The following CDH18 variants were observed in gnomAD, a reference collection of about 807,000 sequenced individuals.
CDH18 encodes cadherin-18.
In CDH18, 31 loss-of-function variants were observed where a neutral mutation model predicts 67.9. The ratio of observed to expected loss-of-function variants is 0.46; its 90% confidence interval spans 0.34 to 0.62. CDH18 has a LOEUF of 0.62. Among genes scored for constraint, CDH18 ranks in the 20% least tolerant of loss-of-function variants. The pLI is 0.01. For missense variants in CDH18, 890 were observed against 975.5 expected (o/e 0.91, Z 1.17); for synonymous variants, 362 against 347.2 (o/e 1.04, Z -0.48).
intron 2 of CDH18, among the ~76,000 whole-genome samples, chr5:19,890,811 A>G (rs1383622884): frequency 1.3e-5 from 2 of 151,870 alleles, no homozygotes; most frequent in African/African-American, 4.8e-5. Context: ...GCCAGGCTGA[A>G]CATCAATGTA....
intron 2 of CDH18, among the ~76,000 whole-genome samples, chr5:20,218,235 G>A (rs1446524715): frequency 6.6e-6 from 1 of 151,736 alleles, no homozygotes; most frequent in African/African-American, 2.4e-5. Context: ...CTAGGCACAT[G>A]GATGACACTC....
chr5:20,219,163 T>C (rs2126437090), intron 2 of CDH18, among the ~76,000 whole-genome samples: 3 of 151,904 alleles, frequency 2.0e-5, no homozygotes, highest in Admixed American at 2.0e-4. Flanking sequence ...AATGAGACAT[T>C]ACAACCAATA....
At chr5:19,835,925 T>G (rs952054945) in intron 3 of CDH18, among the ~76,000 whole-genome samples, 4 of 152,112 alleles carry the variant, frequency 2.6e-5, no homozygotes, top group African/African-American at 7.2e-5. Flanking sequence ...CTCCATCGCC[T>G]CCTGATATGT....
chr5:19,490,013 T>C (rs1328941488), intron 11 of CDH18, among the ~76,000 whole-genome samples: 3 of 152,008 alleles, frequency 2.0e-5, no homozygotes, highest in Non-Finnish European at 2.9e-5. Flanking sequence ...GAGTCTGAAC[T>C]CCAAGAGAAA....
intron 2 of CDH18, among the ~76,000 whole-genome samples, chr5:19,912,378 T>A (rs1791249558): frequency 6.6e-6 from 1 of 152,080 alleles, no homozygotes; most frequent in African/African-American, 2.4e-5. Flanking sequence ...TCCATGGATT[T>A]AGTGACACAG....
At chr5:20,015,941 A>T (rs1737840879) in intron 2 of CDH18, among the ~76,000 whole-genome samples, 1 of 152,184 alleles carries the variant, frequency 6.6e-6, no homozygotes, top group African/African-American at 2.4e-5. Flanking sequence ...AAACATCTAA[A>T]TTAAAAGATT....
At chr5:20,133,202 TAAAGAC>T (rs1749414922) in intron 2 of CDH18, among the ~76,000 whole-genome samples, 1 of 152,204 alleles carries the variant, frequency 6.6e-6, no homozygotes. Flanking sequence ...ACACTGCTAA[TAAAGAC>T]TAAGACTGGG....
At chr5:20,195,425 T>C (rs1382676189) in intron 2 of CDH18, among the ~76,000 whole-genome samples, 2 of 152,036 alleles carry the variant, frequency 1.3e-5, no homozygotes, top group Non-Finnish European at 2.9e-5. Flanking sequence ...TTATAGCATG[T>C]TCTTACATTT....
At chr5:19,718,819 G>A (rs1328616929) in intron 5 of CDH18, among the ~76,000 whole-genome samples, 1 of 151,918 alleles carries the variant, frequency 6.6e-6, no homozygotes, top group African/African-American at 2.4e-5. Context: ...AAATGCAAGA[G>A]CAAAGAAAAT....
At chr5:19,703,709 C>A (rs1005410895) in intron 5 of CDH18, among the ~76,000 whole-genome samples, 1 of 151,896 alleles carries the variant, frequency 6.6e-6, no homozygotes, top group Non-Finnish European at 1.5e-5. Context: ...CATTAGGACA[C>A]ACACACCCCC....
intron 4 of CDH18, among the ~76,000 whole-genome samples, chr5:19,731,279 C>T (rs1423073265): frequency 6.6e-6 from 1 of 152,038 alleles, no homozygotes; most frequent in Non-Finnish European, 1.5e-5. Flanking sequence ...GAAACCCTGT[C>T]TCTACTAAAA....
chr5:19,669,568 G>C (rs1222351017), intron 5 of CDH18, among the ~76,000 whole-genome samples: 1 of 152,074 alleles, frequency 6.6e-6, no homozygotes. Flanking sequence ...TGGGATTACA[G>C]GCGTGAGCCA....
At chr5:20,051,973 C>T (rs547267433) in intron 2 of CDH18, among the ~76,000 whole-genome samples, 3 of 152,010 alleles carry the variant, frequency 2.0e-5, no homozygotes, top group Admixed American at 6.6e-5. Context: ...GGCACAAATA[C>T]CTCTCTCACT....
intron 1 of CDH18, among the ~76,000 whole-genome samples, chr5:20,573,664 G>C (rs1758931466): frequency 1.3e-5 from 2 of 150,250 alleles, no homozygotes; most frequent in South Asian, 4.2e-4. Flanking sequence ...ACTAAACAAG[G>C]TTATAATAGA....
chr5:20,194,572 A>G (rs1347723432), intron 2 of CDH18, among the ~76,000 whole-genome samples: 2 of 152,090 alleles, frequency 1.3e-5, no homozygotes, highest in Non-Finnish European at 2.9e-5. Flanking sequence ...AAGAAGAATG[A>G]GTGAGCAGAA....
chr5:20,107,111 C>A lies in CDH18; in HGVS notation c.-517-115097G>T, dbSNP rs1449658808. Among the ~76,000 whole-genome samples the A allele has an allele frequency of 2.1e-5, 3 of 142,696 alleles. No individual in the cohort carries two copies. The South Asian group carries it at 6.6e-4, about 31-fold the overall frequency. 93.6% of individuals were successfully genotyped at this position (142,696 alleles called of 152,430 possible). On this transcript the variant is annotated intron_variant, in intron 2 of 14. Coordinates refer to the CDH18 transcript ENST00000507958. ...TTTTTTTTTTTTTGAGACGGAGTCT[C>A]GCTCTGTCGCCCAGGCTGGAGTGCA...
chr5:20,177,992 C>T (rs1737376660), intron 2 of CDH18, among the ~76,000 whole-genome samples: 1 of 152,106 alleles, frequency 6.6e-6, no homozygotes, highest in Admixed American at 6.6e-5. Context: ...TCTTTATCAG[C>T]AGCACGAGAA....
rs191315666 is a variant in CDH18 at position 20,236,886 on chromosome 5, G to T, written c.-518+18558C>A. Among the ~76,000 whole-genome samples the T allele has an allele frequency of 9.9e-5, 15 of 151,948 alleles. No homozygotes were observed. In the East Asian group the frequency reaches 2.7e-3, roughly 27 times the overall value. Reference sequence around the variant, plus strand: ...CCAGACACATATATTACCAGACACTGATATTACAAATCAAATATAACAGTT... The same window carrying T: ...CCAGACACATATATTACCAGACACTTATATTACAAATCAAATATAACAGTT... On this transcript the variant is annotated intron_variant, in intron 2 of 14. Transcript: ENST00000507958.
intron 2 of CDH18, among the ~76,000 whole-genome samples, chr5:19,862,016 T>A (rs1307495269): frequency 3.3e-5 from 5 of 152,152 alleles, no homozygotes; most frequent in African/African-American, 7.2e-5. Context: ...TAATACATTA[T>A]CAATGAATTC....
Sources: allele counts gnomAD v4.1 joint callset (sites outside exome capture counted in the v4.1 genomes callset), GRCh38; gene constraint gnomAD v4.1.1; transcripts MANE v1.5; gene names NCBI Gene and HGNC (gene_info 2026-07-23, HGNC 2026-07-21).